Variants in COL28A1 observed in about 807,000 individuals in gnomAD.
COL28A1 encodes collagen type XXVIII alpha 1 chain.
A neutral mutation model predicts 150.2 loss-of-function variants in COL28A1; 161 were observed. That is an observed-to-expected ratio of 1.07 (90% CI 0.94 to 1.22). COL28A1 has a LOEUF of 1.22. Among genes scored for constraint, COL28A1 ranks in the 50% most tolerant of loss-of-function variants. The pLI is 0.00. For missense variants in COL28A1, 1,617 were observed against 1,388.3 expected (o/e 1.16, Z -2.62); for synonymous variants, 552 against 469.7 (o/e 1.18, Z -2.26).
chr7:7,413,463 C>G (rs1285095159), intron 27 of COL28A1, among the ~76,000 whole-genome samples: 1 of 152,146 alleles, frequency 6.6e-6, no homozygotes, highest in Non-Finnish European at 1.5e-5. Context: ...GCATGAGTAC[C>G]TTTCCAAGCC....
intron 11 of COL28A1, among the ~76,000 whole-genome samples, chr7:7,492,986 C>T (rs994761303): frequency 1.4e-5 from 2 of 146,822 alleles, no homozygotes; most frequent in Non-Finnish European, 3.0e-5. Flanking sequence ...TTATATATAC[C>T]TGTTATATAA....
chr7:7,392,282 A>C (rs1782591004), intron 27 of COL28A1, among the ~76,000 whole-genome samples: 1 of 151,774 alleles, frequency 6.6e-6, no homozygotes, highest in Non-Finnish European at 1.5e-5. Flanking sequence ...AAATTCTTTT[A>C]AGAATGTTGA....
intron 27 of COL28A1, among the ~76,000 whole-genome samples, chr7:7,394,245 C>T (rs1031841750): frequency 2.0e-5 from 3 of 152,102 alleles, no homozygotes; most frequent in Non-Finnish European, 2.9e-5. Context: ...TACTTCAACT[C>T]ACCCTCTGTG....
chr7:7,491,712 A>T (rs192402095), intron 11 of COL28A1, among the ~76,000 whole-genome samples: 267 of 152,254 alleles, frequency 1.8e-3, no homozygotes, highest in African/African-American at 6.2e-3. Flanking sequence ...GCCAGCCCAA[A>T]CTCACACCTG....
rs1378874900 is a variant in COL28A1 at position 7,373,169 on chromosome 7, C to T, written c.2737G>A (p.Glu913Lys). 1.2e-6 allele frequency: 2 copies of T among 1,614,102 alleles called. No individual in the cohort carries two copies. Among genetic ancestry groups the T allele is most frequent in the African/African-American group, 1.3e-5 (1 of 74,930 alleles). The part of the protein sequence containing the change: ...TDGQTDSRDK[E>K]KLTEVVKNAS... ...TTCTTCACCACCTCTGTCAGTTTCT[C>T]TTTATCACGAGAATCTGTCTGTCCA... Residue 913 changes from glutamate (E) to lysine (K), a missense_variant, in exon 32 of 35, where the codon GAG (glutamate) becomes AAG (lysine). Transcript: ENST00000399429. The surrounding 1 kb of genome is among the most constrained non-coding windows in gnomAD (Gnocchi z 4.1).
intron 23 of COL28A1, among the ~76,000 whole-genome samples, chr7:7,434,350 A>C (rs1785193809): frequency 6.6e-6 from 1 of 152,146 alleles, no homozygotes; most frequent in African/African-American, 2.4e-5. Context: ...CCAATTTTTT[A>C]TGCTATTCCA....
rs1004484949 is a variant in COL28A1, at chr7:7,370,287, C to A, written c.3066+438G>T. Among the ~76,000 whole-genome samples the A allele has an allele frequency of 1.3e-4, 20 of 152,042 alleles. 1 individual carries two copies. Among genetic ancestry groups the A allele is most frequent in the Admixed American group, 3.9e-4 (6 of 15,256 alleles). On this transcript the variant is annotated intron_variant, in intron 33 of 34. Transcript: ENST00000399429. ...CATGGCTTGGAGTGTGGGAGAGTGG[C>A]CAGTTGGGCATATGCGTATTTAGAA...
chr7:7,499,602 G>A (rs11971297), intron 11 of COL28A1, among the ~76,000 whole-genome samples: 21,941 of 152,154 alleles, frequency 0.14, 1,657 homozygotes, highest in East Asian at 0.22. Context: ...TACAAATCAT[G>A]ACTTTTTAAG....
At chr7:7,486,110 A>G (rs1779612152) in intron 13 of COL28A1, among the ~76,000 whole-genome samples, 1 of 152,138 alleles carries the variant, frequency 6.6e-6, no homozygotes, top group East Asian at 1.9e-4. Flanking sequence ...TGTATTAAGT[A>G]TTCTCTGATT....
At chr7:7,520,577 A>G (rs913905465) in intron 5 of COL28A1, among the ~76,000 whole-genome samples, 2 of 152,178 alleles carry the variant, frequency 1.3e-5, no homozygotes, top group Admixed American at 6.5e-5. Flanking sequence ...AGACAATCTC[A>G]AAAGATGGGA....
chr7:7,480,217 GTTTAA>G (rs987663848), intron 13 of COL28A1, among the ~76,000 whole-genome samples: 2 of 152,086 alleles, frequency 1.3e-5, no homozygotes, highest in African/African-American at 4.8e-5. Context: ...GTTTTTCAGT[GTTTAA>G]TTTTTTTGTC....
rs776843897 is a variant in COL28A1 at position 7,358,658 on chromosome 7, C to A, written c.3353G>T (p.Cys1118Phe). The A allele has an allele frequency of 1.1e-5, 18 of 1,613,990 alleles. No individual in the cohort carries two copies. Among genetic ancestry groups the A allele is most frequent in the Non-Finnish European group, 1.5e-5 (18 of 1,179,932 alleles). ...TCATCCTTGAATGCAGGTTTCTTGA[C>A]ATTCCTTTTCACTGTTGAATCTATT... ...SGNRFNSEKE[C>F]QETCIQG Residue 1118 changes from cysteine (C) to phenylalanine (F), a missense_variant, in exon 35 of 35, where the codon TGT (cysteine) becomes TTT (phenylalanine). By Grantham distance (205) the Cys-to-Phe change is radical. Transcript: ENST00000399429.
At chr7:7,534,321 C>T (rs1782529478) in intron 1 of COL28A1, among the ~76,000 whole-genome samples, 1 of 152,130 alleles carries the variant, frequency 6.6e-6, no homozygotes, top group South Asian at 2.1e-4. Context: ...AAGAAATGTG[C>T]TAAGGAAACA....
At chr7:7,481,880 G>GT (rs371287054) in intron 13 of COL28A1, among the ~76,000 whole-genome samples, 159 of 148,276 alleles carry the variant, frequency 1.1e-3, no homozygotes, top group Middle Eastern at 6.9e-3. Context: ...CCCTTTCAGG[G>GT]TTTTTTTTTT....
At chr7:7,429,620 T>C (rs963988674) in intron 25 of COL28A1, among the ~76,000 whole-genome samples, 1 of 152,182 alleles carries the variant, frequency 6.6e-6, no homozygotes, top group Admixed American at 6.5e-5. Flanking sequence ...TTTTAGACTT[T>C]CCTTTATTTT....
chr7:7,383,793 G>A (rs969403567), intron 27 of COL28A1, among the ~76,000 whole-genome samples: 10 of 150,198 alleles, frequency 6.7e-5, no homozygotes, highest in Admixed American at 2.0e-4. Flanking sequence ...GCCTTCTGAT[G>A]CACATTTAGG....
At chr7:7,410,297 C>T (rs1485604402) in intron 27 of COL28A1, among the ~76,000 whole-genome samples, 1 of 152,076 alleles carries the variant, frequency 6.6e-6, no homozygotes, top group Non-Finnish European at 1.5e-5. Context: ...ATGTCTATAA[C>T]CAGGTTTGTA....
chr7:7,504,058 C>A (rs189720459), intron 11 of COL28A1, among the ~76,000 whole-genome samples: 28 of 152,272 alleles, frequency 1.8e-4, no homozygotes, highest in African/African-American at 6.5e-4. Context: ...TAAAAGTCAA[C>A]CACAAAGTGC....
the COL28A1 span, among the ~76,000 whole-genome samples, chr7:7,341,721 T>C: frequency 6.6e-5 from 10 of 152,202 alleles, no homozygotes; most frequent in Non-Finnish European, 1.5e-4. Context: ...ATGAATATTT[T>C]AGAAATGTGT....
Sources: gnomAD v4.1 joint callset for allele counts (sites outside exome capture counted in the v4.1 genomes callset) on GRCh38, gnomAD v4.1.1 for gene constraint, Gnocchi (gnomAD v3.1) non-coding constraint, MANE v1.5 for transcripts, NCBI Gene and HGNC (gene_info 2026-07-23, HGNC 2026-07-21) for gene names.